Variants in LRP1 observed in about 807,000 individuals in gnomAD.
LRP1 encodes LDL receptor related protein 1.
In LRP1, 51 loss-of-function variants were observed where a neutral mutation model predicts 541.5. The observed-to-expected ratio is 0.09, with a 90% CI of 0.08 to 0.12. The LOEUF (loss-of-function observed/expected upper bound fraction) is 0.12, where lower values mean the gene tolerates loss of function less well. Among genes scored for constraint, LRP1 ranks in the 10% least tolerant of loss-of-function variants. The pLI is 1.00. For synonymous variants in LRP1, 2,219 were observed against 2,470.8 expected (o/e 0.90, Z 3.02); for missense variants, 3,878 against 6,376.2 (o/e 0.61, Z 13.34).
chr12:57,190,783 T>C, intron 42 of LRP1, 22 bp from the exon 43 acceptor site: 1 of 1,610,374 alleles, frequency 6.2e-7, no homozygotes, highest in Non-Finnish European at 8.5e-7. Context: ...TGCCTCCTGA[T>C]CTCTGGACCC....
intron 48 of LRP1, 35 bp downstream of exon 48, chr12:57,194,047 C>T: frequency 1.3e-6 from 2 of 1,577,250 alleles, no homozygotes; most frequent in Non-Finnish European, 1.7e-6. Flanking sequence ...CTCCTGGGCT[C>T]CTCCCCATCG....
intron 6 of LRP1, among the ~76,000 whole-genome samples, chr12:57,146,996 A>G (rs909586316): frequency 1.3e-5 from 2 of 151,798 alleles, no homozygotes; most frequent in Middle Eastern, 3.2e-3. Flanking sequence ...GGTGTCCTGG[A>G]GGTAACCTTC....
In LRP1 at chr12:57,194,372, G is replaced by C. The variant is rs772004506; in HGVS notation, c.7937G>C (p.Ser2646Thr). 6.6e-7 allele frequency: 1 copy of C among 1,511,160 alleles called. No homozygotes were observed. The highest frequency in any genetic ancestry group is 1.3e-5 in the South Asian group (1 of 74,606). The allele number at this position is 1,511,160 out of a possible 1,614,324, so 93.6% of individuals were successfully genotyped here. ...EMNCSATDCS[S>T]YFRLGVKGVL... ...CCACCAGGTGCCACCGACTGCAGCA[G>C]CTACTTCCGCCTGGGCGTGAAGGGC... is the stretch of plus-strand genomic sequence containing the variant. Residue 2646 changes from serine (S) to threonine (T), a missense_variant, in exon 49 of 89, where the codon AGC (serine) becomes ACC (threonine). Physicochemically the swap from Ser to Thr is moderately conservative, Grantham distance 58. Coordinates refer to ENST00000243077, the MANE Select transcript of LRP1 (RefSeq NM_002332.3).
chr12:57,143,884 C>T, intron 4 of LRP1, 86 bp downstream of exon 4: 1 of 1,457,518 alleles, frequency 6.9e-7, no homozygotes, highest in Non-Finnish European at 9.2e-7. Context: ...GGGTAGGGGG[C>T]CTGGCTGGAA....
chr12:57,180,387 C>T lies in LRP1; in HGVS notation c.5294C>T (p.Thr1765Ile). The T allele has an allele frequency of 6.2e-7, 1 of 1,614,200 alleles. No homozygotes were observed. Among genetic ancestry groups the T allele is most frequent in the Non-Finnish European group, 8.5e-7 (1 of 1,180,046 alleles). ...KLYWISSGNH[T>I]INRCNLDGSG... ...TACTGGATCAGCTCCGGGAACCATA[C>T]CATCAACCGCTGCAACCTGGATGGG... Residue 1765 changes from threonine to isoleucine, a missense_variant, in exon 32 of 89, where the codon ACC (threonine) becomes ATC (isoleucine). Physicochemically the swap from Thr to Ile is moderately conservative, Grantham distance 89 (BLOSUM62 -1). Coordinates refer to ENST00000243077, the MANE Select transcript of LRP1 (RefSeq NM_002332.3).
At position 57,178,730 on chromosome 12, in the gene LRP1, G is replaced by T. The variant is rs553829592; in HGVS notation, c.4606+127G>T. 2.4e-5 allele frequency: 37 copies of T among 1,524,568 alleles called. No homozygotes were observed. In the African/African-American group the frequency reaches 3.3e-4, roughly 14 times the overall value. The allele number at this position is 1,524,568 out of a possible 1,614,324, so 94.4% of individuals were successfully genotyped here. Reference sequence around the variant, plus strand: ...GTCTGTGCTGGGATGGCAGGGGTAGGCCGGCTGTTGACAGAGGCACTGTCT... The same window carrying T: ...GTCTGTGCTGGGATGGCAGGGGTAGTCCGGCTGTTGACAGAGGCACTGTCT... On this transcript the variant is annotated intron_variant, in intron 27 of 88. Transcript: ENST00000243077. The surrounding 1 kb of genome is among the most constrained non-coding windows in gnomAD (Gnocchi z 5.8).
In LRP1 at chr12:57,175,970, C is replaced by G; in HGVS notation, c.3855C>G (p.His1285Gln). 1 of 1,614,264 alleles carries G rather than the reference C, an allele frequency of 6.2e-7. No individual in the cohort carries two copies. Among genetic ancestry groups the G allele is most frequent in the Non-Finnish European group, 8.5e-7 (1 of 1,180,054 alleles). The change falls in exon 24 of 89, where the codon CAC becomes CAG. Residue 1285 changes from histidine (H) to glutamine (Q), a missense_variant. His to Gln is a conservative substitution (Grantham distance 24). Transcript: ENST00000243077. ...NRHEIRRIDL[H>Q]KGDYSVLVPG... ...ATGAAATCCGGCGCATCGATCTTCA[C>G]AAAGGAGACTACAGCGTCCTGGTGC...
intron 17 of LRP1, 37 bp downstream of exon 17, chr12:57,166,246 C>T (rs2035837635): frequency 9.0e-6 from 14 of 1,564,152 alleles, no homozygotes; most frequent in Non-Finnish European, 1.2e-5. Flanking sequence ...AGGCACCCCT[C>T]AGTCAAGGAG....
chr12:57,198,183 C>T lies in LRP1; in HGVS notation c.9310C>T (p.Pro3104Ser). ...CCTACACCGTACAGGCCTCAGCAAC[C>T]CCGATGGGCTGGCTGTGGACTGGGT... ...QVLHRTGLSN[P>S]DGLAVDWVGG... The change falls in exon 59 of 89, where the codon CCC becomes TCC. Residue 3104 changes from proline (P) to serine (S), a missense_variant. Physicochemically the swap from Pro to Ser is moderately conservative, Grantham distance 74. This residue lies in a region of LRP1 where 1,100 missense variants were observed against 1,827.4 expected (regional missense o/e 0.60). Coordinates refer to ENST00000243077, the MANE Select transcript of LRP1 (RefSeq NM_002332.3). 3.1e-6 allele frequency: 5 copies of T among 1,612,806 alleles called. No homozygotes were observed. Among genetic ancestry groups the T allele is most frequent in the Non-Finnish European group, 4.2e-6 (5 of 1,179,782 alleles).
At chr12:57,199,554 C>T (rs936368656) in intron 61 of LRP1, among the ~76,000 whole-genome samples, 154 bp downstream of exon 61, 4 of 152,148 alleles carry the variant, frequency 2.6e-5, no homozygotes, top group Non-Finnish European at 4.4e-5. Context: ...GTCTGGCTCC[C>T]GGGAGCTTCA....
intron 6 of LRP1, chr12:57,149,020 G>C: frequency 1.5e-6 from 1 of 675,446 alleles, no homozygotes; most frequent in South Asian, 1.6e-5. Flanking sequence ...ATGGGGTAGT[G>C]ATTTGTCTAG....
chr12:57,175,567 C>T lies in LRP1; in HGVS notation c.3655C>T (p.His1219Tyr). The T allele has an allele frequency of 6.2e-7, 1 of 1,614,168 alleles. No homozygotes were observed. Among genetic ancestry groups the T allele is most frequent in the Non-Finnish European group, 8.5e-7 (1 of 1,180,000 alleles). Residue 1219 changes from histidine (H) to tyrosine (Y), a missense_variant, in exon 23 of 89, where the codon CAC becomes TAC. Coordinates refer to ENST00000243077, the MANE Select transcript of LRP1 (RefSeq NM_002332.3). ...GGGCATGGAGCTGGGGCCCGACAAC[C>T]ACACCTGCCAGATCCAGAGCTACTG... The part of the protein sequence containing the change: ...PLGMELGPDN[H>Y]TCQIQSYCAK...
intron 2 of LRP1, 55 bp downstream of exon 2, chr12:57,138,636 T>C (rs1196648046): frequency 1.3e-6 from 2 of 1,599,406 alleles, no homozygotes; most frequent in Admixed American, 3.4e-5. Context: ...CCCTCTTCCT[T>C]TGGCAGATGT....
At chr12:57,136,395 GC>G (rs35376308) in intron 1 of LRP1, among the ~76,000 whole-genome samples, 17,354 of 99,120 alleles carry the variant, frequency 0.18, 1,809 homozygotes, top group Middle Eastern at 0.25. Context: ...CCTCCTAAGA[GC>G]CCCCCCCCCC....
chr12:57,173,915 C>A lies in LRP1; in HGVS notation c.3482C>A (p.Pro1161His), dbSNP rs778810958. Residue 1161 changes from proline to histidine, a missense_variant, in exon 22 of 89, where the codon CCC becomes CAC. Around this residue, in one of 13 missense-constraint regions of LRP1, gnomAD observed 320 missense variants for 547.9 expected, o/e 0.58. Coordinates refer to ENST00000243077, the MANE Select transcript of LRP1 (RefSeq NM_002332.3). The surrounding 1 kb of genome is among the most constrained non-coding windows in gnomAD (Gnocchi z 4.7). ...PCANNTSVCL[P>H]PDKLCDGNDD... Reference sequence around the variant, plus strand: ...GCCAACAACACCTCAGTCTGCCTGCCCCCTGACAAGCTGTGTGATGGCAAC... The same window carrying A: ...GCCAACAACACCTCAGTCTGCCTGCACCCTGACAAGCTGTGTGATGGCAAC... The A allele has an allele frequency of 2.5e-6, 4 of 1,614,212 alleles. No homozygotes were observed. Among genetic ancestry groups the A allele is most frequent in the South Asian group, 1.1e-5 (1 of 91,086 alleles).
Position 57,156,730 on chromosome 12 carries a change from G to A in LRP1, c.1418-47G>A, listed in dbSNP as rs767681905. The A allele has an allele frequency of 2.9e-5, 45 of 1,556,552 alleles. No homozygotes were observed. The highest frequency in any genetic ancestry group is 3.8e-5 in the Non-Finnish European group (43 of 1,142,730). On this transcript the variant is annotated intron_variant, in intron 9 of 88. Transcript: ENST00000243077. The surrounding 1 kb of genome is among the most constrained non-coding windows in gnomAD (Gnocchi z 5.2). ...ATTCAGGAAGCCTTCTCAAGGCCTG[G>A]CACAGGGGCTCTGAGGGGTCCTAAC...
In LRP1 at chr12:57,179,991, T is replaced by G. The variant is rs536640191; in HGVS notation, c.5141+35T>G. The G allele has an allele frequency of 6.2e-7, 1 of 1,613,540 alleles. No individual in the cohort carries two copies. Among genetic ancestry groups the G allele is most frequent in the South Asian group, 1.1e-5 (1 of 91,052 alleles). ...GGGCCCAGGGCCGGGGAGCATGGGGTGTGGGGCTGGGAAGAAGAGGACCCT... is the reference window on the plus strand; with the variant it reads ...GGGCCCAGGGCCGGGGAGCATGGGGGGTGGGGCTGGGAAGAAGAGGACCCT... On this transcript the variant is annotated intron_variant, in intron 30 of 88. Transcript: ENST00000243077. The surrounding 1 kb of genome is among the most constrained non-coding windows in gnomAD (Gnocchi z 6.8).
Position 57,179,631 on chromosome 12 carries a change from C to T in LRP1, c.4966+75C>T, listed in dbSNP as rs1400724682. 2 of 1,477,310 alleles carry T rather than the reference C, an allele frequency of 1.4e-6. No homozygotes were observed. Among genetic ancestry groups the T allele is most frequent in the African/African-American group, 1.4e-5 (1 of 72,406 alleles). The allele number at this position is 1,477,310 out of a possible 1,614,324, so 91.5% of individuals were successfully genotyped here. A position where few individuals can be genotyped will look rare whatever the true frequency, so the allele number is the denominator to read the frequency against. On this transcript the variant is annotated intron_variant, in intron 29 of 88. Coordinates refer to ENST00000243077, the MANE Select transcript of LRP1 (RefSeq NM_002332.3). The surrounding 1 kb of genome is among the most constrained non-coding windows in gnomAD (Gnocchi z 6.8). ...GCCCCTTGCTCCCAACCCTGGTCTA[C>T]TTGGTCCGAGTGGTCCTTCTCCCAG...
At position 57,206,788 on chromosome 12, in the gene LRP1, C is replaced by T; in HGVS notation, c.11859+47C>T. The T allele has an allele frequency of 6.3e-7, 1 of 1,589,792 alleles. No individual in the cohort carries two copies. The highest frequency in any genetic ancestry group is 8.5e-7 in the Non-Finnish European group (1 of 1,170,808). On this transcript the variant is annotated intron_variant, in intron 76 of 88. Coordinates refer to ENST00000243077, the MANE Select transcript of LRP1 (RefSeq NM_002332.3). The surrounding 1 kb of genome is among the most constrained non-coding windows in gnomAD (Gnocchi z 4.7). ...GATGGAGTGGAAGAGCTCCATAGAG[C>T]AGGCGGTTCAGAGCAGGATTTGAAA...
Sources: gnomAD v4.1 joint callset for allele counts (sites outside exome capture counted in the v4.1 genomes callset) on GRCh38, gnomAD v4.1.1 for gene constraint, gnomAD v4.1.1 regional missense constraint, Gnocchi (gnomAD v3.1) non-coding constraint, MANE v1.5 for transcripts, NCBI Gene and HGNC (gene_info 2026-07-23, HGNC 2026-07-21) for gene names.